RBMS3: variants seen among roughly 807,000 people sequenced by gnomAD.
The protein encoded by RBMS3 is RNA binding motif single stranded interacting protein 3, also known as RNA-binding motif, single-stranded-interacting protein 3.
A neutral mutation model predicts 66.8 loss-of-function variants in RBMS3; 27 were observed. That is an observed-to-expected ratio of 0.40 (90% CI 0.30 to 0.56). The LOEUF (loss-of-function observed/expected upper bound fraction) is 0.56. Ranked by LOEUF, RBMS3 falls within the 20% of genes least tolerant of loss-of-function variation. The pLI is 0.40. For synonymous variants in RBMS3, 188 were observed against 183.0 expected, an observed-to-expected ratio of 1.03 and a Z score of -0.22; for missense variants, 513 against 549.5, an observed-to-expected ratio of 0.93 and a Z score of 0.66.
rs967275906 is a variant in RBMS3 at position 29,691,912 on chromosome 3, T to G, written c.400-47808T>G. On this transcript the variant is annotated intron_variant, in intron 4 of 14. Transcript: ENST00000383767. ...AGCAATCAAACAAGTTAAGTATAAA[T>G]CTTATTTATGTGTGACCCTTCTCTC... 4.0e-5 allele frequency among the ~76,000 whole-genome samples: 6 copies of G among 149,826 alleles called. No homozygotes were observed. The South Asian group carries it at 8.6e-4, about 22-fold the overall frequency.
intron 1 of RBMS3, among the ~76,000 whole-genome samples, chr3:29,322,664 A>G (rs982637225): frequency 2.0e-5 from 3 of 151,842 alleles, no homozygotes; most frequent in Non-Finnish European, 4.4e-5. Flanking sequence ...TGGTCTTTCT[A>G]TTTCAGGAAA....
At chr3:29,651,588 C>G (rs761212414) in intron 4 of RBMS3, among the ~76,000 whole-genome samples, 22 of 152,060 alleles carry the variant, frequency 1.4e-4, no homozygotes, top group Admixed American at 7.9e-4. Context: ...CATACACACA[C>G]CGAAAAACCA....
intron 3 of RBMS3, among the ~76,000 whole-genome samples, chr3:29,575,994 TTA>T (rs1270168676): frequency 1.3e-5 from 2 of 152,186 alleles, no homozygotes; most frequent in Non-Finnish European, 2.9e-5. Flanking sequence ...TTCTCCAGGA[TTA>T]GTCCTTCATG....
intron 1 of RBMS3, among the ~76,000 whole-genome samples, chr3:29,402,811 A>G (rs1290579159): frequency 6.6e-6 from 1 of 152,042 alleles, no homozygotes; most frequent in Non-Finnish European, 1.5e-5. Context: ...TTTACATCAT[A>G]TAATACTGAA....
chr3:29,871,793 T>A (rs1170032767), intron 7 of RBMS3, among the ~76,000 whole-genome samples: 1 of 152,122 alleles, frequency 6.6e-6, no homozygotes, highest in Non-Finnish European at 1.5e-5. Context: ...AGAAGTACCA[T>A]GCGCATGCCA....
Position 29,609,378 on chromosome 3 carries a change from G to A in RBMS3, c.399+22173G>A, listed in dbSNP as rs942771212. On this transcript the variant is annotated intron_variant, in intron 4 of 14. Transcript: ENST00000383767. ...GAAAGAACTGATGAAAGGGTCCTGG[G>A]TGCCCTCTTATCTATCCTAGGTTTT... Among the ~76,000 whole-genome samples, 3 of 151,880 alleles carry A rather than the reference G, an allele frequency of 2.0e-5. No individual in the cohort carries two copies. In the South Asian group the frequency reaches 6.2e-4, roughly 31 times the overall value.
intron 5 of RBMS3, 101 bp from the exon 6 acceptor site, chr3:29,762,809 C>A (rs7340719): frequency 0.43 from 359,178 of 830,142 alleles, 79,767 homozygotes; most frequent in African/African-American, 0.61. Context: ...GGGTACAATT[C>A]TCAAATCAAG....
chr3:29,412,956 C>G (rs2164925), intron 1 of RBMS3, among the ~76,000 whole-genome samples: 7,971 of 152,280 alleles, frequency 0.052, 351 homozygotes, highest in African/African-American at 0.12. Context: ...GTAGACTGCT[C>G]ATTTTCAAAT....
intron 6 of RBMS3, among the ~76,000 whole-genome samples, chr3:29,847,705 G>A (rs1472520829): frequency 6.6e-6 from 1 of 151,674 alleles, no homozygotes; most frequent in African/African-American, 2.4e-5. Context: ...GCCCAGGCTG[G>A]AGTGCAGTGG....
chr3:29,997,898 T>A (rs377498455), intron 14 of RBMS3, among the ~76,000 whole-genome samples: 8 of 152,194 alleles, frequency 5.3e-5, no homozygotes, highest in South Asian at 2.1e-4. Context: ...TATTCAACAT[T>A]GTGTTGGAAG....
intron 12 of RBMS3, among the ~76,000 whole-genome samples, chr3:29,955,906 C>T (rs995258171): frequency 6.6e-6 from 1 of 152,048 alleles, no homozygotes; most frequent in African/African-American, 2.4e-5. Flanking sequence ...TTTCCCTTCA[C>T]CTGATTTTTC....
At chr3:29,284,192 A>T (rs2032064451) in intron 1 of RBMS3, among the ~76,000 whole-genome samples, 1 of 152,166 alleles carries the variant, frequency 6.6e-6, no homozygotes, top group African/African-American at 2.4e-5. Context: ...CCAATTTGAA[A>T]TTCATAGCTA....
intron 1 of RBMS3, among the ~76,000 whole-genome samples, chr3:29,362,409 G>A (rs1267733948): frequency 6.6e-6 from 1 of 152,196 alleles, no homozygotes; most frequent in African/African-American, 2.4e-5. Context: ...TTCTCTGGAG[G>A]TTTTGTCTCA....
At chr3:29,710,386 C>A (rs1160306987) in intron 4 of RBMS3, among the ~76,000 whole-genome samples, 1 of 152,148 alleles carries the variant, frequency 6.6e-6, no homozygotes, top group East Asian at 1.9e-4. Flanking sequence ...ACTATACTAG[C>A]ACTACTACAT....
intron 1 of RBMS3, among the ~76,000 whole-genome samples, chr3:29,335,443 G>A (rs949224150): frequency 5.3e-5 from 8 of 152,114 alleles, no homozygotes; most frequent in African/African-American, 1.7e-4. Flanking sequence ...ATTTTGGTCC[G>A]TGGCAGATAT....
At chr3:29,671,184 G>A (rs59980157) in intron 4 of RBMS3, among the ~76,000 whole-genome samples, 11,904 of 152,262 alleles carry the variant, frequency 0.078, 833 homozygotes, top group African/African-American at 0.18. Context: ...CTGCAGCTGA[G>A]GGTCCTGACT....
intron 2 of RBMS3, among the ~76,000 whole-genome samples, chr3:29,477,400 T>G (rs377639915): frequency 2.6e-5 from 4 of 152,140 alleles, no homozygotes; most frequent in African/African-American, 9.7e-5. Context: ...TCCACTAATC[T>G]ATTCACTCAT....
chr3:29,759,359 A>C lies in RBMS3; in HGVS notation c.558-3551A>C, dbSNP rs193135236. On this transcript the variant is annotated intron_variant, in intron 5 of 14. Coordinates refer to ENST00000383767, the MANE Select transcript of RBMS3 (RefSeq NM_001003793.3). Reference sequence around the variant, plus strand: ...CATCAGACCTAACAGAAAACCCTGAAGCTTTATACAATGATTAGAGCCTTG... The same window carrying C: ...CATCAGACCTAACAGAAAACCCTGACGCTTTATACAATGATTAGAGCCTTG... 2.8e-4 allele frequency among the ~76,000 whole-genome samples: 42 copies of C among 152,290 alleles called. 1 individual carries two copies. Among genetic ancestry groups the C allele is most frequent in the African/African-American group, 9.6e-4 (40 of 41,566 alleles).
Position 29,361,355 on chromosome 3 carries a change from T to G in RBMS3, c.76-73388T>G, listed in dbSNP as rs112712092. On this transcript the variant is annotated intron_variant, in intron 1 of 14. Transcript: ENST00000383767. Reference sequence around the variant, plus strand: ...ATTCTGGGTTGAAAATTCTTTTATTTAAGAATGTTGAATATTGACCCCCAC... The same window carrying G: ...ATTCTGGGTTGAAAATTCTTTTATTGAAGAATGTTGAATATTGACCCCCAC... Among the ~76,000 whole-genome samples, 137 of 152,262 alleles carry G rather than the reference T, an allele frequency of 9.0e-4. 1 individual carries two copies. Among genetic ancestry groups the G allele is most frequent in the African/African-American group, 3.2e-3 (131 of 41,520 alleles).
Sources: gnomAD v4.1 joint callset for allele counts (sites outside exome capture counted in the v4.1 genomes callset) on GRCh38, gnomAD v4.1.1 for gene constraint, MANE v1.5 for transcripts, NCBI Gene and HGNC (gene_info 2026-07-23, HGNC 2026-07-21) for gene names.